The following ASIC2 variants were observed in gnomAD, a reference collection of about 807,000 sequenced individuals.
ASIC2 encodes acid-sensing ion channel 2.
In ASIC2, 25 loss-of-function variants were observed where a neutral mutation model predicts 57.3. That is an observed-to-expected ratio of 0.44 (90% CI 0.32 to 0.61). ASIC2 has a LOEUF of 0.61. Among genes scored for constraint, ASIC2 ranks in the 20% least tolerant of loss-of-function variants. The probability of loss-of-function intolerance (pLI) is 0.06; values close to 1 mark genes in which losing one functional copy is unlikely to be tolerated. For missense variants in ASIC2, 641 were observed against 738.1 expected, an observed-to-expected ratio of 0.87 and a Z score of 1.52; for synonymous variants, 319 against 307.5, an observed-to-expected ratio of 1.04 and a Z score of -0.39.
chr17:34,115,781 C>T (rs1911407549), intron 1 of ASIC2, among the ~76,000 whole-genome samples: 1 of 152,156 alleles, frequency 6.6e-6, no homozygotes, highest in Admixed American at 6.5e-5. Flanking sequence ...GTTGAAAACA[C>T]CATATTTCAG....
At chr17:33,896,514 A>G (rs1001248233) in intron 1 of ASIC2, among the ~76,000 whole-genome samples, 1 of 152,190 alleles carries the variant, frequency 6.6e-6, no homozygotes, top group Non-Finnish European at 1.5e-5. Context: ...GGACAAAGAA[A>G]TGCTGATGGA....
At chr17:33,852,413 T>A (rs1256627865) in intron 1 of ASIC2, among the ~76,000 whole-genome samples, 1 of 152,146 alleles carries the variant, frequency 6.6e-6, no homozygotes, top group Non-Finnish European at 1.5e-5. Context: ...CTACTTCAGG[T>A]CCTCTCTGTG....
At chr17:33,491,173 C>T (rs1295836888) in intron 1 of ASIC2, among the ~76,000 whole-genome samples, 1 of 152,138 alleles carries the variant, frequency 6.6e-6, no homozygotes, top group African/African-American at 2.4e-5. Context: ...ATTTGCAATT[C>T]CCACACCCAC....
At chr17:33,406,025 A>G (rs1015117796) in intron 1 of ASIC2, among the ~76,000 whole-genome samples, 3 of 139,768 alleles carry the variant, frequency 2.1e-5, no homozygotes, top group Admixed American at 7.3e-5. Flanking sequence ...GGCTCTTTCC[A>G]TGAAAAAAAA....
chr17:33,926,517 G>A (rs1162923782), intron 1 of ASIC2, among the ~76,000 whole-genome samples: 1 of 152,168 alleles, frequency 6.6e-6, no homozygotes, highest in Non-Finnish European at 1.5e-5. Context: ...ATAAAACAAA[G>A]TTTGTGTACA....
chr17:33,953,185 T>C (rs1317132576), intron 1 of ASIC2, among the ~76,000 whole-genome samples: 1 of 152,150 alleles, frequency 6.6e-6, no homozygotes. Context: ...AGATGTGAGA[T>C]TTTGAATGAC....
At chr17:33,087,919 T>C (rs1371672590) in intron 3 of ASIC2, among the ~76,000 whole-genome samples, 1 of 152,128 alleles carries the variant, frequency 6.6e-6, no homozygotes, top group Admixed American at 6.6e-5. Flanking sequence ...CTGTGATCAG[T>C]ACCAGATGAA....
intron 1 of ASIC2, among the ~76,000 whole-genome samples, chr17:33,280,006 T>C (rs887367300): frequency 1.3e-5 from 2 of 152,276 alleles, no homozygotes; most frequent in Admixed American, 6.5e-5. Context: ...CAGACTTGCC[T>C]TTGTAGAGAT....
intron 1 of ASIC2, among the ~76,000 whole-genome samples, chr17:33,903,205 T>G (rs1915267973): frequency 6.6e-6 from 1 of 152,192 alleles, no homozygotes. Flanking sequence ...TGACCTTCTT[T>G]TTCTCAGGCC....
intron 1 of ASIC2, among the ~76,000 whole-genome samples, chr17:33,319,804 G>A (rs1478404359): frequency 6.6e-6 from 1 of 152,180 alleles, no homozygotes; most frequent in Non-Finnish European, 1.5e-5. Context: ...AAAGTGCTGG[G>A]ATTAGAGGCA....
At chr17:33,544,082 G>C (rs1420306056) in intron 1 of ASIC2, among the ~76,000 whole-genome samples, 1 of 152,160 alleles carries the variant, frequency 6.6e-6, no homozygotes, top group East Asian at 1.9e-4. Context: ...TTTGTTTTCT[G>C]TGACTATGCT....
chr17:33,354,279 C>A (rs2142252680), intron 1 of ASIC2, among the ~76,000 whole-genome samples: 1 of 152,284 alleles, frequency 6.6e-6, no homozygotes. Flanking sequence ...AATGGTGGTT[C>A]ATGACGGTCT....
At chr17:33,200,777 T>C (rs566341399) in intron 1 of ASIC2, among the ~76,000 whole-genome samples, 23 of 152,346 alleles carry the variant, frequency 1.5e-4, no homozygotes, top group African/African-American at 5.3e-4. Flanking sequence ...AGAGTGATCC[T>C]GTGAAATGAC....
intron 1 of ASIC2, among the ~76,000 whole-genome samples, chr17:33,725,871 C>G (rs949999559): frequency 1.3e-5 from 2 of 152,292 alleles, no homozygotes; most frequent in East Asian, 3.9e-4. Context: ...ACTGACCCCA[C>G]AGAGCCACAC....
At chr17:33,927,130 T>C (rs1915840079) in intron 1 of ASIC2, among the ~76,000 whole-genome samples, 1 of 152,150 alleles carries the variant, frequency 6.6e-6, no homozygotes, top group Admixed American at 6.5e-5. Context: ...GGTTTCACCA[T>C]GTTGGCCAGG....
intron 1 of ASIC2, among the ~76,000 whole-genome samples, chr17:33,885,628 C>A (rs1914810691): frequency 6.6e-6 from 1 of 152,166 alleles, no homozygotes; most frequent in Non-Finnish European, 1.5e-5. Flanking sequence ...TGGAGTCAAG[C>A]CTGGAATATG....
At chr17:33,103,063 C>A (rs373395403) in intron 2 of ASIC2, among the ~76,000 whole-genome samples, 4 of 152,150 alleles carry the variant, frequency 2.6e-5, no homozygotes, top group African/African-American at 4.8e-5. Flanking sequence ...TATTACAGGC[C>A]TGAGCCACAG....
intron 1 of ASIC2, chr17:34,005,721 G>T (rs1361638493): frequency 6.6e-6 from 1 of 152,240 alleles, no homozygotes; most frequent in Admixed American, 6.5e-5. Flanking sequence ...TATCTCTGCT[G>T]CAAAGTCTTC....
chr17:33,732,045 T>C (rs1451634244), intron 1 of ASIC2, among the ~76,000 whole-genome samples: 1 of 152,200 alleles, frequency 6.6e-6, no homozygotes, highest in Non-Finnish European at 1.5e-5. Context: ...AAAATTTATA[T>C]AGATGTAATT....
Sources: allele counts gnomAD v4.1 joint callset (sites outside exome capture counted in the v4.1 genomes callset), GRCh38; gene constraint gnomAD v4.1.1; transcripts MANE v1.5; gene names NCBI Gene and HGNC (gene_info 2026-07-23, HGNC 2026-07-21).